Variants in DNAH8 observed in about 807,000 individuals in gnomAD.
DNAH8 encodes the protein axonemal beta dynein heavy chain 8.
A neutral mutation model predicts 562.1 loss-of-function variants in DNAH8; 382 were observed. That is an observed-to-expected ratio of 0.68 (90% CI 0.63 to 0.74). The LOEUF is 0.74. DNAH8 is among the 30% of genes least tolerant of loss of function. The pLI is 0.00. For synonymous variants in DNAH8, 1,881 were observed against 1,919.4 expected (o/e 0.98, Z 0.52); for missense variants, 5,203 against 5,620.4 (o/e 0.93, Z 2.37).
At chr6:38,746,926 T>A (rs1764992092) in intron 8 of DNAH8, among the ~76,000 whole-genome samples, 1 of 151,514 alleles carries the variant, frequency 6.6e-6, no homozygotes, top group Non-Finnish European at 1.5e-5. Flanking sequence ...TGAGACTCCA[T>A]CTCAAAAAAG....
In DNAH8 at chr6:38,908,060, G is replaced by A; in HGVS notation, c.9453G>A (p.Leu3151=). 6.2e-7 allele frequency: 1 copy of A among 1,610,438 alleles called. No individual in the cohort carries two copies. Among genetic ancestry groups the A allele is most frequent in the Non-Finnish European group, 8.5e-7 (1 of 1,178,322 alleles). ...LPRHPPTFDN[L]YEYFISRSRK... ...GCCATCCTCCTACCTTTGATAATTTGTATGAATACTTCATTTCAAGATCAA... is the reference window on the plus strand; with the variant it reads ...GCCATCCTCCTACCTTTGATAATTTATATGAATACTTCATTTCAAGATCAA... The change falls in exon 64 of 93, where the codon TTG becomes TTA. Residue 3151 remains leucine, a synonymous_variant. Transcript: ENST00000327475.
intron 24 of DNAH8, among the ~76,000 whole-genome samples, chr6:38,811,081 CTTTA>C (rs1188208999): frequency 2.0e-5 from 3 of 152,114 alleles, no homozygotes; most frequent in Non-Finnish European, 4.4e-5. Context: ...GTGGATTTGT[CTTTA>C]TTTAATCCTG....
At chr6:38,902,376 T>A (rs1780136246) in intron 62 of DNAH8, among the ~76,000 whole-genome samples, 1 of 152,148 alleles carries the variant, frequency 6.6e-6, no homozygotes, top group Admixed American at 6.5e-5. Context: ...AGAATATTCC[T>A]CTGCCCTAAT....
chr6:38,795,698 G>A lies in DNAH8; in HGVS notation c.2901+4024G>A, dbSNP rs182863080. Among the ~76,000 whole-genome samples, 301 of 152,226 alleles carry A rather than the reference G, an allele frequency of 2.0e-3. 1 individual carries two copies. Among genetic ancestry groups the A allele is most frequent in the African/African-American group, 6.8e-3 (283 of 41,530 alleles). ...AGTGATCTAAGATCTAGTAACAGTT[G>A]GGCTGTCTTCTCACAAACCTACCAG... On this transcript the variant is annotated intron_variant, in intron 21 of 92. Coordinates refer to ENST00000327475, the MANE Select transcript of DNAH8 (RefSeq NM_001206927.2).
At chr6:38,794,539 G>C (rs1770052450) in intron 21 of DNAH8, among the ~76,000 whole-genome samples, 1 of 152,106 alleles carries the variant, frequency 6.6e-6, no homozygotes, top group Non-Finnish European at 1.5e-5. Flanking sequence ...TGATTCCTTT[G>C]TGCTTTACTC....
At chr6:38,753,728 T>G (rs1025361008) in intron 9 of DNAH8, among the ~76,000 whole-genome samples, 2 of 152,204 alleles carry the variant, frequency 1.3e-5, no homozygotes, top group African/African-American at 4.8e-5. Flanking sequence ...TTAAAAATCA[T>G]TTAGTTCTGA....
intron 88 of DNAH8, among the ~76,000 whole-genome samples, chr6:39,002,202 C>T (rs1765536910): frequency 6.6e-6 from 1 of 152,168 alleles, no homozygotes; most frequent in Non-Finnish European, 1.5e-5. Context: ...CCAGGCTTAC[C>T]TGGTGTTTCG....
At chr6:38,746,194 AAT>A (rs1764915205) in intron 8 of DNAH8, among the ~76,000 whole-genome samples, 1 of 152,290 alleles carries the variant, frequency 6.6e-6, no homozygotes, top group Admixed American at 6.5e-5. Context: ...TATTTTCATT[AAT>A]ATAGCCTCAT....
chr6:38,966,309 A>G (rs776631844), intron 82 of DNAH8, among the ~76,000 whole-genome samples: 79 of 152,216 alleles, frequency 5.2e-4, no homozygotes, highest in Non-Finnish European at 9.3e-4. Flanking sequence ...GAAAATCTGA[A>G]TAGAGCCATA....
Position 38,984,944 on chromosome 6 carries a change from C to T in DNAH8, c.13053+637C>T, listed in dbSNP as rs930057353. On this transcript the variant is annotated intron_variant, in intron 87 of 92. Coordinates refer to ENST00000327475, the MANE Select transcript of DNAH8 (RefSeq NM_001206927.2). ...CCCCCACTGCCCCTCCTCCATCTTC[C>T]GCATTCCTGTGCACCTCACTTGTGA... is the stretch of plus-strand genomic sequence containing the variant. 4.6e-5 allele frequency among the ~76,000 whole-genome samples: 7 copies of T among 152,308 alleles called. No homozygotes were observed. In the East Asian group the frequency reaches 5.8e-4, roughly 13 times the overall value.
intron 88 of DNAH8, among the ~76,000 whole-genome samples, chr6:39,005,033 T>C (rs1302582726): frequency 6.6e-6 from 1 of 152,194 alleles, no homozygotes; most frequent in Non-Finnish European, 1.5e-5. Context: ...CTTGTGTAGA[T>C]AACTAGGAAT....
chr6:38,822,700 A>G (rs1275577561), intron 26 of DNAH8, 138 bp from the exon 27 acceptor site: 1 of 632,858 alleles, frequency 1.6e-6, no homozygotes, highest in East Asian at 3.0e-5. Context: ...GCTCTTAATT[A>G]CTCAAAATAG....
chr6:38,750,648 C>A, intron 9 of DNAH8, 59 bp downstream of exon 9: 1 of 1,074,470 alleles, frequency 9.3e-7, no homozygotes, highest in South Asian at 1.5e-5. Flanking sequence ...ATCTGTGATT[C>A]TAGCTACTCA....
rs562509561 is a variant in DNAH8 at position 38,885,974 on chromosome 6, T to C, written c.8260-817T>C. ...GAGGCTGGCACACAGTAGTCATTCA[T>C]GAAATGTTGGTTAATTGAAAGACGG... is the stretch of plus-strand genomic sequence containing the variant. On this transcript the variant is annotated intron_variant, in intron 56 of 92. Transcript: ENST00000327475. 3.3e-4 allele frequency among the ~76,000 whole-genome samples: 50 copies of C among 152,354 alleles called. 1 individual carries two copies. In the East Asian group the frequency reaches 9.2e-3, roughly 28 times the overall value.
Position 38,874,068 on chromosome 6 carries a change from T to TTCTTTCTTTTTCTTTCTTTCTTTC in DNAH8, c.7620+693_7620+694insCTTTCTTTTTCTTTCTTTCTTTCT, listed in dbSNP as rs377254876. The stretch of plus-strand genomic sequence containing the variant: ...TTTCTTTCTTTCTTTCTTTCTTTCT[T>TTCTTTCTTTTTCTTTCTTTCTTTC]TTTCTTTCTTTCTTTCTTTCTTTCT... On this transcript the variant is annotated intron_variant, in intron 52 of 92. Coordinates refer to ENST00000327475, the MANE Select transcript of DNAH8 (RefSeq NM_001206927.2). Among the ~76,000 whole-genome samples the TTCTTTCTTTTTCTTTCTTTCTTTC allele has an allele frequency of 4.3e-3, 245 of 57,076 alleles. 66 individuals are homozygous for TTCTTTCTTTTTCTTTCTTTCTTTC. The highest frequency in any genetic ancestry group is 7.9e-3 in the Admixed American group (33 of 4,172). 37.4% of individuals were successfully genotyped at this position (57,076 alleles called of 152,430 possible). A position where few individuals can be genotyped will look rare whatever the true frequency, so the allele number is the denominator to read the frequency against.
At chr6:38,942,377 G>A (rs1168535109) in intron 79 of DNAH8, among the ~76,000 whole-genome samples, 1 of 152,152 alleles carries the variant, frequency 6.6e-6, no homozygotes, top group African/African-American at 2.4e-5. Context: ...GTCCACAGTG[G>A]ATGGTGGGAA....
chr6:38,724,902 G>A (rs990063987), intron 3 of DNAH8, among the ~76,000 whole-genome samples: 2 of 151,974 alleles, frequency 1.3e-5, no homozygotes, highest in Non-Finnish European at 1.5e-5. Context: ...TTGTGGTGAG[G>A]TTGTCACCAT....
At chr6:38,922,901 A>G (rs1481438478) in intron 71 of DNAH8, 157 bp from the exon 72 acceptor site, 2 of 715,896 alleles carry the variant, frequency 2.8e-6, no homozygotes, top group East Asian at 3.0e-5. Flanking sequence ...AATGATCAAA[A>G]TTTAATATGT....
In DNAH8 at chr6:38,903,823, G is replaced by A. The variant is rs1336673644; in HGVS notation, c.9195-2431G>A. 2.0e-5 allele frequency among the ~76,000 whole-genome samples: 3 copies of A among 151,864 alleles called. No individual in the cohort carries two copies. The East Asian group carries it at 5.8e-4, about 29-fold the overall frequency. On this transcript the variant is annotated intron_variant, in intron 62 of 92. Transcript: ENST00000327475. Reference sequence around the variant, plus strand: ...GGCAGGGTTTCACCATGCTGGCCAGGCTGGTCTTGAACTCCTGACCTTGTG... The same window carrying A: ...GGCAGGGTTTCACCATGCTGGCCAGACTGGTCTTGAACTCCTGACCTTGTG...
Sources: allele counts gnomAD v4.1 joint callset (sites outside exome capture counted in the v4.1 genomes callset), GRCh38; gene constraint gnomAD v4.1.1; transcripts MANE v1.5; gene names NCBI Gene and HGNC (gene_info 2026-07-23, HGNC 2026-07-21).